Variants in CCDC14 observed in about 807,000 individuals in gnomAD.
CCDC14 encodes the protein coiled-coil domain containing 14, also known as coiled-coil domain-containing protein 14.
In CCDC14, 71 loss-of-function variants were observed where a neutral mutation model predicts 81.4. The ratio of observed to expected loss-of-function variants is 0.87; its 90% confidence interval spans 0.72 to 1.06. The LOEUF (loss-of-function observed/expected upper bound fraction) is 1.06, where lower values mean the gene tolerates loss of function less well. CCDC14 is among the 50% of genes least tolerant of loss of function. The probability of loss-of-function intolerance (pLI) is 0.00; values close to 1 mark genes in which losing one functional copy is unlikely to be tolerated. For synonymous variants in CCDC14, 332 were observed against 364.8 expected, an observed-to-expected ratio of 0.91 and a Z score of 1.03; for missense variants, 1,046 against 1,047.3, an observed-to-expected ratio of 1.00 and a Z score of 0.02.
At chr3:123,951,800 A>G (rs2037035091) in intron 5 of CCDC14, among the ~76,000 whole-genome samples, 1 of 152,236 alleles carries the variant, frequency 6.6e-6, no homozygotes, top group African/African-American at 2.4e-5. Flanking sequence ...ATAAATTAAT[A>G]AATTCCAAAC....
intron 5 of CCDC14, among the ~76,000 whole-genome samples, chr3:123,899,027 C>T (rs557721503): frequency 2.0e-5 from 3 of 151,862 alleles, no homozygotes; most frequent in African/African-American, 4.8e-5. Context: ...GACAACAGTA[C>T]ATTTTCACCT....
Position 123,915,286 on chromosome 3 carries a change from G to T in CCDC14, c.2211C>A (p.Ser737Arg). 1 of 1,613,872 alleles carries T rather than the reference G, an allele frequency of 6.2e-7. No individual in the cohort carries two copies. The highest frequency in any genetic ancestry group is 8.5e-7 in the Non-Finnish European group (1 of 1,179,890). The change falls in exon 13 of 13, where the codon AGC becomes AGA. Residue 737 changes from serine (S) to arginine (R), a missense_variant. Transcript: ENST00000409697. Reference protein sequence around the residue: ...DNTIYIPFARSTPEKKSPLSK... With the variant: ...DNTIYIPFARRTPEKKSPLSK... Reference sequence around the variant, plus strand: ...AAAGTGGTGATTTCTTTTCAGGAGTGCTTCTAGCAAAAGGAATGTAAATTG... The same window carrying T: ...AAAGTGGTGATTTCTTTTCAGGAGTTCTTCTAGCAAAAGGAATGTAAATTG...
chr3:123,914,243 GTTT>G lies in CCDC14; in HGVS notation c.*533_*535del. 1.0e-6 allele frequency: 1 copy of G among 984,030 alleles called. No homozygotes were observed. Among genetic ancestry groups the G allele is most frequent in the Non-Finnish European group, 1.2e-6 (1 of 828,390 alleles). 61.0% of individuals were successfully genotyped at this position (984,030 alleles called of 1,614,324 possible). Reference sequence around the variant, plus strand: ...CTATATATTTTTTAGACCAATCAATGTTTTTTAAGAGGTGTAGATACTGGTAAC... The same window carrying G: ...CTATATATTTTTTAGACCAATCAATGTTTAAGAGGTGTAGATACTGGTAAC... On this transcript the variant is annotated 3_prime_UTR_variant, in exon 13 of 13. Transcript: ENST00000409697.
At chr3:123,907,088 G>C (rs1369111108) in intron 5 of CCDC14, among the ~76,000 whole-genome samples, 1 of 152,070 alleles carries the variant, frequency 6.6e-6, no homozygotes, top group Non-Finnish European at 1.5e-5. Flanking sequence ...TGATGGCAAT[G>C]TTTTCCTGAT....
intron 9 of CCDC14, among the ~76,000 whole-genome samples, chr3:123,938,105 GGGTACTTT>G (rs1207364431): frequency 6.6e-6 from 1 of 151,632 alleles, no homozygotes; most frequent in African/African-American, 2.4e-5. Flanking sequence ...ATACTGTTTT[GGGTACTTT>G]AGAGTCTTCA....
At chr3:123,893,256 T>A (rs1381976457), downstream of CCDC14, among the ~76,000 whole-genome samples, 1 of 152,176 alleles carries the variant, frequency 6.6e-6, no homozygotes, top group African/African-American at 2.4e-5. Context: ...CTCCAACACC[T>A]GGTAACCTTT....
chr3:123,909,165 T>C (rs2034387065), downstream of CCDC14, among the ~76,000 whole-genome samples: 1 of 152,078 alleles, frequency 6.6e-6, no homozygotes. Context: ...CACAGCCAAG[T>C]GCAAAATAAT....
chr3:123,901,922 C>A (rs1179521440), intron 5 of CCDC14, among the ~76,000 whole-genome samples: 1 of 152,002 alleles, frequency 6.6e-6, no homozygotes, highest in African/African-American at 2.4e-5. Context: ...GATTCAAGTT[C>A]ACTAGAAATC....
intron 9 of CCDC14, among the ~76,000 whole-genome samples, chr3:123,939,445 C>CTTTTT (rs34550609): frequency 7.7e-6 from 1 of 129,550 alleles, no homozygotes; most frequent in African/African-American, 2.8e-5. Context: ...TGACACAGAT[C>CTTTTT]TTTTTTTTTT....
intron 1 of CCDC14, among the ~76,000 whole-genome samples, chr3:123,959,974 A>T (rs1427275874): frequency 1.3e-5 from 2 of 152,184 alleles, no homozygotes; most frequent in African/African-American, 2.4e-5. Flanking sequence ...ACCTGGAATA[A>T]GCCTTTCTAT....
At chr3:123,919,191 C>T (rs566668963) in intron 12 of CCDC14, among the ~76,000 whole-genome samples, 1 of 152,338 alleles carries the variant, frequency 6.6e-6, no homozygotes, top group South Asian at 2.1e-4. Context: ...TACCTAACTT[C>T]ACAGCTGTAC....
At chr3:123,909,965 A>G (rs755407299), downstream of CCDC14, among the ~76,000 whole-genome samples, 5 of 152,228 alleles carry the variant, frequency 3.3e-5, no homozygotes, top group African/African-American at 1.2e-4. Context: ...CAGTTTCCAC[A>G]TGATAATTTT....
chr3:123,924,954 TAC>T (rs67990689), intron 12 of CCDC14, among the ~76,000 whole-genome samples: 13,177 of 147,036 alleles, frequency 0.09, 667 homozygotes, highest in Middle Eastern at 0.21. Flanking sequence ...TATACATATA[TAC>T]ACACACACAC....
Position 123,915,294 on chromosome 3 carries a change from C to G in CCDC14, c.2203G>C (p.Ala735Pro). The change falls in exon 13 of 13, where the codon GCT becomes CCT. Residue 735 changes from alanine (A) to proline (P), a missense_variant. Physicochemically the swap from Ala to Pro is conservative, Grantham distance 27 (BLOSUM62 -1). Transcript: ENST00000409697. The part of the protein sequence containing the change: ...NLDNTIYIPF[A>P]RSTPEKKSPL... ...GATTTCTTTTCAGGAGTGCTTCTAG[C>G]AAAAGGAATGTAAATTGTATTATCC... is the stretch of plus-strand genomic sequence containing the variant. 2 of 1,613,892 alleles carry G rather than the reference C, an allele frequency of 1.2e-6. No individual in the cohort carries two copies. Among genetic ancestry groups the G allele is most frequent in the South Asian group, 2.2e-5 (2 of 91,082 alleles).
In CCDC14 at chr3:123,915,164, C is replaced by T. The variant is rs760876336; in HGVS notation, c.2333G>A (p.Cys778Tyr). 6 of 1,613,892 alleles carry T rather than the reference C, an allele frequency of 3.7e-6. No individual in the cohort carries two copies. The East Asian group carries it at 8.9e-5, about 24-fold the overall frequency. ...TGAAGAGGAACAGATTACAGGTGTACACAGTTTATTTTCTTTTCCAGAGAC... is the reference window on the plus strand; with the variant it reads ...TGAAGAGGAACAGATTACAGGTGTATACAGTTTATTTTCTTTTCCAGAGAC... ...LAVSGKENKLCTPVICSSSTK... is the reference protein window; with the variant it reads ...LAVSGKENKLYTPVICSSSTK... The change falls in exon 13 of 13, where the codon TGT becomes TAT. Residue 778 changes from cysteine (C) to tyrosine (Y), a missense_variant. Transcript: ENST00000409697.
intron 12 of CCDC14, among the ~76,000 whole-genome samples, chr3:123,930,133 A>T (rs1372734492): frequency 6.6e-6 from 1 of 152,238 alleles, no homozygotes; most frequent in Non-Finnish European, 1.5e-5. Flanking sequence ...CAAATATCCT[A>T]TGAAATATAA....
chr3:123,893,449 T>C (rs2148751918), downstream of CCDC14, among the ~76,000 whole-genome samples: 1 of 152,346 alleles, frequency 6.6e-6, no homozygotes, highest in South Asian at 2.1e-4. Context: ...TCTAGCATTA[T>C]TTTGTTTATC....
At chr3:123,939,632 T>C (rs1040601788) in intron 9 of CCDC14, among the ~76,000 whole-genome samples, 106 of 151,896 alleles carry the variant, frequency 7.0e-4, no homozygotes, top group Non-Finnish European at 3.1e-4. Flanking sequence ...TATTATCTTC[T>C]TCATAATAAT....
Position 123,947,189 on chromosome 3 carries a change from A to T in CCDC14, c.815T>A (p.Ile272Lys), listed in dbSNP as rs777308739. Residue 272 changes from isoleucine (I) to lysine (K), a missense_variant, in exon 8 of 13, where the codon ATA (isoleucine) becomes AAA (lysine). Ile to Lys is a moderately radical substitution (Grantham distance 102). Coordinates refer to ENST00000409697, the MANE Select transcript of CCDC14 (RefSeq NM_001366335.1). ...GVPCSLPKTD[I>K]SAIPTLQQLG... The stretch of plus-strand genomic sequence containing the variant: ...TTGCTGCAATGTTGGAATAGCTGAT[A>T]TGTCAGTTTTGGGCAGGCTACATGG... 6.2e-7 allele frequency: 1 copy of T among 1,613,972 alleles called. No homozygotes were observed. The highest frequency in any genetic ancestry group is 1.1e-5 in the South Asian group (1 of 91,088).
Sources: gnomAD v4.1 joint callset for allele counts (sites outside exome capture counted in the v4.1 genomes callset) on GRCh38, gnomAD v4.1.1 for gene constraint, MANE v1.5 for transcripts, NCBI Gene and HGNC (gene_info 2026-07-23, HGNC 2026-07-21) for gene names.